The following CCSER1 variants were observed in gnomAD, a reference collection of about 807,000 sequenced individuals.
CCSER1 encodes coiled-coil serine rich protein 1.
Under a neutral mutation model 82.0 loss-of-function variants are expected in CCSER1, and 41 were observed. The ratio of observed to expected loss-of-function variants is 0.50; its 90% CI spans 0.39 to 0.65. CCSER1 has a LOEUF of 0.65. CCSER1 is among the 30% of genes least tolerant of loss of function. The pLI is 0.00. For missense variants in CCSER1, 1,119 were observed against 1,064.2 expected, an observed-to-expected ratio of 1.05 and a Z score of -0.72; for synonymous variants, 414 against 383.9, an observed-to-expected ratio of 1.08 and a Z score of -0.92.
intron 10 of CCSER1, among the ~76,000 whole-genome samples, chr4:91,516,861 G>T (rs1196123370): frequency 1.3e-5 from 2 of 152,042 alleles, no homozygotes; most frequent in Non-Finnish European, 2.9e-5. Context: ...CCATTTGTTT[G>T]TGTCATCTCT....
intron 1 of CCSER1, among the ~76,000 whole-genome samples, chr4:90,275,369 G>C (rs1727356967): frequency 6.6e-6 from 1 of 151,984 alleles, no homozygotes; most frequent in African/African-American, 2.4e-5. Flanking sequence ...ATTCATAGTA[G>C]AGGAGAATAA....
intron 10 of CCSER1, among the ~76,000 whole-genome samples, chr4:91,484,626 A>C (rs1034407249): frequency 6.6e-6 from 1 of 152,212 alleles, no homozygotes; most frequent in Non-Finnish European, 1.5e-5. Flanking sequence ...TTATGAATTC[A>C]TACTATCTTC....
rs3971380 is a variant in CCSER1 at position 90,469,524 on chromosome 4, AACACAC to A, written c.1724+1208_1724+1213del. 1.8e-3 allele frequency among the ~76,000 whole-genome samples: 240 copies of A among 136,414 alleles called. 1 individual carries two copies. The highest frequency in any genetic ancestry group is 0.015 in the Middle Eastern group (4 of 260). 89.5% of individuals were successfully genotyped at this position (136,414 alleles called of 152,430 possible). On this transcript the variant is annotated intron_variant, in intron 5 of 10. Transcript: ENST00000509176. ...AAAGCTCAAATGTGTTTTCCTGCAA[AACACAC>A]ACACACACACACACACACACACACA...
In CCSER1 at chr4:90,812,096, A is replaced by G. The variant is rs1561181071; in HGVS notation, c.2011-3666A>G. Among the ~76,000 whole-genome samples, 3 of 152,026 alleles carry G rather than the reference A, an allele frequency of 2.0e-5. No individual in the cohort carries two copies. The South Asian group carries it at 6.2e-4, about 31-fold the overall frequency. The stretch of plus-strand genomic sequence containing the variant: ...AGCAAGGAGAGCCAGTCCAAATTCC[A>G]AAACTGAAGAACTTGGAGTCCAATG... On this transcript the variant is annotated intron_variant, in intron 7 of 10. Coordinates refer to ENST00000509176, the MANE Select transcript of CCSER1 (RefSeq NM_001145065.2).
chr4:90,822,545 G>A (rs184613406), intron 8 of CCSER1, among the ~76,000 whole-genome samples: 4 of 152,178 alleles, frequency 2.6e-5, no homozygotes, highest in Admixed American at 1.3e-4. Flanking sequence ...TGGCCAACAT[G>A]GTGAAACCTC....
At chr4:90,439,374 A>G (rs1398796672) in intron 4 of CCSER1, among the ~76,000 whole-genome samples, 1 of 152,190 alleles carries the variant, frequency 6.6e-6, no homozygotes, top group Non-Finnish European at 1.5e-5. Context: ...TTTTATTTCT[A>G]TATCATTTAG....
chr4:91,421,808 TAAAAA>T (rs370533253), intron 10 of CCSER1, among the ~76,000 whole-genome samples: 3,169 of 144,134 alleles, frequency 0.022, 96 homozygotes, highest in African/African-American at 0.074. Context: ...TAAAAAAAGT[TAAAAA>T]AAAAAACCAC....
At chr4:90,352,047 G>A (rs1409277748) in intron 3 of CCSER1, among the ~76,000 whole-genome samples, 11 of 152,098 alleles carry the variant, frequency 7.2e-5, no homozygotes, top group Non-Finnish European at 1.3e-4. Flanking sequence ...AGATTAGGCC[G>A]GGCGCAGCGG....
At chr4:91,355,669 T>G (rs768308431) in intron 10 of CCSER1, among the ~76,000 whole-genome samples, 3 of 151,832 alleles carry the variant, frequency 2.0e-5, no homozygotes, top group Non-Finnish European at 4.4e-5. Flanking sequence ...CCACAATGAG[T>G]TTTCTGATGC....
intron 1 of CCSER1, among the ~76,000 whole-genome samples, chr4:90,185,661 C>A (rs749367768): frequency 3.3e-5 from 5 of 151,918 alleles, no homozygotes; most frequent in Non-Finnish European, 7.4e-5. Context: ...TGAATAATGT[C>A]CCCAGTCCTC....
intron 7 of CCSER1, among the ~76,000 whole-genome samples, chr4:90,762,040 A>G (rs996167825): frequency 1.1e-4 from 16 of 152,170 alleles, no homozygotes; most frequent in Non-Finnish European, 2.1e-4. Context: ...CAACATATGA[A>G]AAGCTTTAAC....
intron 10 of CCSER1, among the ~76,000 whole-genome samples, chr4:91,327,294 C>T (rs1746638740): frequency 6.6e-6 from 1 of 152,226 alleles, no homozygotes; most frequent in African/African-American, 2.4e-5. Flanking sequence ...CTCCTCAACT[C>T]TTGTCTTCTG....
chr4:90,513,560 T>A (rs1003513236), intron 5 of CCSER1, among the ~76,000 whole-genome samples: 1 of 152,170 alleles, frequency 6.6e-6, no homozygotes, highest in African/African-American at 2.4e-5. Context: ...AGGGCAGGTA[T>A]TTTTGTCCCT....
chr4:90,495,877 A>G (rs1342331814), intron 5 of CCSER1, among the ~76,000 whole-genome samples: 2 of 152,214 alleles, frequency 1.3e-5, no homozygotes, highest in Admixed American at 6.5e-5. Flanking sequence ...AGGAGGAGGA[A>G]TAATCAAACC....
At chr4:91,572,408 G>C (rs1422913485) in intron 10 of CCSER1, among the ~76,000 whole-genome samples, 1 of 151,970 alleles carries the variant, frequency 6.6e-6, no homozygotes, top group Admixed American at 6.6e-5. Flanking sequence ...AATGGGATCA[G>C]GGACCCACTT....
At chr4:90,484,163 A>G (rs926356538) in intron 5 of CCSER1, among the ~76,000 whole-genome samples, 6 of 151,958 alleles carry the variant, frequency 3.9e-5, no homozygotes, top group Non-Finnish European at 7.4e-5. Context: ...AGTTGATCGC[A>G]TCGGTTACTG....
intron 9 of CCSER1, among the ~76,000 whole-genome samples, chr4:91,056,418 G>A (rs1002297635): frequency 6.6e-6 from 1 of 152,148 alleles, no homozygotes. Context: ...CTTGAACGCT[G>A]TGTCTTCCAG....
intron 10 of CCSER1, among the ~76,000 whole-genome samples, chr4:91,594,994 A>C (rs1281879024): frequency 6.6e-6 from 1 of 151,758 alleles, no homozygotes. Context: ...TGTTGCTGAG[A>C]GTGTTGGCAA....
At chr4:91,130,887 T>G (rs1462237962) in intron 10 of CCSER1, among the ~76,000 whole-genome samples, 1 of 151,748 alleles carries the variant, frequency 6.6e-6, no homozygotes, top group Non-Finnish European at 1.5e-5. Flanking sequence ...ATTATTTAGG[T>G]TAAAATATTT....
Sources: gnomAD v4.1 joint callset for allele counts (sites outside exome capture counted in the v4.1 genomes callset) on GRCh38, gnomAD v4.1.1 for gene constraint, MANE v1.5 for transcripts, NCBI Gene and HGNC (gene_info 2026-07-23, HGNC 2026-07-21) for gene names.